MRC1: variants seen among roughly 807,000 people sequenced by gnomAD.
MRC1 encodes the protein mannose receptor C-type 1.
Under a neutral mutation model 102.9 loss-of-function variants are expected in MRC1, and 62 were observed. The observed-to-expected ratio is 0.60, with a 90% CI of 0.49 to 0.74. The LOEUF is 0.74. Among genes scored for constraint, MRC1 ranks in the 30% least tolerant of loss-of-function variants. MRC1 has a pLI of 0.00. For missense variants in MRC1, 1,237 were observed against 862.8 expected, an observed-to-expected ratio of 1.43 and a Z score of -5.43; for synonymous variants, 457 against 298.4, an observed-to-expected ratio of 1.53 and a Z score of -5.48.
At chr10:17,870,723 T>A (rs1833343229) in intron 13 of MRC1, 125 bp from the exon 14 acceptor site, 5 of 777,318 alleles carry the variant, frequency 6.4e-6, no homozygotes, top group Middle Eastern at 2.4e-4. Flanking sequence ...AGCTGTTAAA[T>A]CTCTTTACTT....
intron 15 of MRC1, among the ~76,000 whole-genome samples, chr10:17,873,505 T>C (rs1554841946): frequency 4.6e-5 from 7 of 152,084 alleles, no homozygotes; most frequent in Non-Finnish European, 1.0e-4. Context: ...CTTTTTTTTT[T>C]TCCTTTATAT....
intron 18 of MRC1, among the ~76,000 whole-genome samples, chr10:17,878,737 A>G (rs1289212845): frequency 3.3e-5 from 5 of 152,116 alleles, no homozygotes; most frequent in South Asian, 2.1e-4. Flanking sequence ...ATCACAGCTC[A>G]CTACAGCCTC....
At chr10:17,909,173 CATATCATA>C (rs1213831790) in intron 28 of MRC1, 125 bp from the exon 29 acceptor site, 1 of 674,068 alleles carries the variant, frequency 1.5e-6, no homozygotes, top group South Asian at 1.7e-5. Context: ...TTATATCTAT[CATATCATA>C]ATATCATATA....
rs1312783672 is a variant in MRC1 at position 17,847,927 on chromosome 10, T to TTC, written c.1064-1651_1064-1650insCT. Among the ~76,000 whole-genome samples the TTC allele has an allele frequency of 8.4e-4, 4 of 4,776 alleles. No homozygotes were observed. In the East Asian group the frequency reaches 0.38, roughly 448 times the overall value. 3.1% of individuals were successfully genotyped at this position (4,776 alleles called of 152,430 possible). A position where few individuals can be genotyped will look rare whatever the true frequency, so the allele number is the denominator to read the frequency against. ...GCTTGCTTTCTTTTTCTTTTTCTTC[T>TTC]TTTTTTTTTTGTAACCACTGGAAGT... On this transcript the variant is annotated intron_variant, in intron 6 of 29. Transcript: ENST00000569591.
chr10:17,885,046 A>G (rs1031122801), intron 21 of MRC1, among the ~76,000 whole-genome samples: 1 of 152,226 alleles, frequency 6.6e-6, no homozygotes, highest in Admixed American at 6.5e-5. Context: ...AGTGGCCTAG[A>G]TAAAACCTAG....
chr10:17,827,461 C>A, intron 2 of MRC1, 81 bp from the exon 3 acceptor site: 1 of 641,780 alleles, frequency 1.6e-6, no homozygotes, highest in African/African-American at 1.9e-5. Flanking sequence ...AAGACCAATT[C>A]CTTCAGTAGG....
chr10:17,877,684 A>G (rs1833455801), intron 17 of MRC1, among the ~76,000 whole-genome samples: 1 of 152,174 alleles, frequency 6.6e-6, no homozygotes, highest in African/African-American at 2.4e-5. Context: ...TATGCATCAA[A>G]TAAAAGACTC....
At chr10:17,811,102 T>C (rs1838214434) in intron 1 of MRC1, among the ~76,000 whole-genome samples, 1 of 152,222 alleles carries the variant, frequency 6.6e-6, no homozygotes, top group African/African-American at 2.4e-5. Context: ...CCTGATATTA[T>C]TAATGTATTT....
rs1483935903 is a variant in MRC1, at chr10:17,832,286, G to C, written c.638-1389G>C. ...GATCAAGGAATTTGGGCTGGTATCC[G>C]TTCTTTTAAAACATGTTTTATTCAC... On this transcript the variant is annotated intron_variant, in intron 3 of 29. Transcript: ENST00000569591. Among the ~76,000 whole-genome samples the C allele has an allele frequency of 4.0e-5, 6 of 151,466 alleles. 1 individual carries two copies. Among genetic ancestry groups the C allele is most frequent in the African/African-American group, 1.5e-4 (6 of 40,820 alleles).
chr10:17,829,552 G>C (rs1246478098), intron 3 of MRC1, among the ~76,000 whole-genome samples: 2 of 151,406 alleles, frequency 1.3e-5, no homozygotes, highest in African/African-American at 4.9e-5. Flanking sequence ...TTCCATTCAA[G>C]GTTTTTAGAT....
At chr10:17,820,767 T>G (rs552786939) in intron 1 of MRC1, among the ~76,000 whole-genome samples, 2,071 of 152,318 alleles carry the variant, frequency 0.014, 51 homozygotes, top group Middle Eastern at 0.078. Flanking sequence ...TACATATATC[T>G]ATGGCAAAAG....
intron 26 of MRC1, among the ~76,000 whole-genome samples, chr10:17,904,359 T>C (rs1243074055): frequency 6.6e-6 from 1 of 152,228 alleles, no homozygotes; most frequent in Non-Finnish European, 1.5e-5. Context: ...GACTTTTTCC[T>C]TCATTTTTTG....
chr10:17,814,100 A>G (rs1838269542), intron 1 of MRC1, among the ~76,000 whole-genome samples: 1 of 152,122 alleles, frequency 6.6e-6, no homozygotes, highest in African/African-American at 2.4e-5. Flanking sequence ...GCTTCCCATA[A>G]AGCAGATGGG....
chr10:17,857,802 A>G (rs1367870133), intron 9 of MRC1, among the ~76,000 whole-genome samples: 1 of 152,192 alleles, frequency 6.6e-6, no homozygotes, highest in Non-Finnish European at 1.5e-5. Context: ...AAGAATTCAG[A>G]AATCACAGGC....
chr10:17,882,812 C>G (rs1833538075), intron 21 of MRC1, among the ~76,000 whole-genome samples: 1 of 152,048 alleles, frequency 6.6e-6, no homozygotes, highest in Admixed American at 6.6e-5. Flanking sequence ...ACTGGCCTAC[C>G]CCATTTTGGG....
At chr10:17,870,822 C>G (rs1199112573) in intron 13 of MRC1, 26 bp from the exon 14 acceptor site, 9 of 871,774 alleles carry the variant, frequency 1.0e-5, no homozygotes, top group Non-Finnish European at 1.8e-5. Context: ...ATAGCATATG[C>G]TTTCTTTATG....
intron 17 of MRC1, among the ~76,000 whole-genome samples, chr10:17,876,668 C>A (rs34319271): frequency 1.6e-3 from 248 of 152,288 alleles, no homozygotes; most frequent in Non-Finnish European, 2.5e-3. Flanking sequence ...TGTTATATGT[C>A]AGTCCTGGAC....
At position 17,854,640 on chromosome 10, in the gene MRC1, C is replaced by T. The variant is rs907726741; in HGVS notation, c.1407+1516C>T. 1,644 of 166,344 alleles carry T rather than the reference C, an allele frequency of 9.9e-3. 22 individuals carry two copies. Among genetic ancestry groups the T allele is most frequent in the African/African-American group, 0.038 (1,563 of 41,550 alleles). 10.3% of individuals were successfully genotyped at this position (166,344 alleles called of 1,614,324 possible). A position where few individuals can be genotyped will look rare whatever the true frequency, so the allele number is the denominator to read the frequency against. ...GTGTCAGATTGCACTGGGCTGAGACCAACTAGGATATGAGGAGTTAAAGAC... is the reference window on the plus strand; with the variant it reads ...GTGTCAGATTGCACTGGGCTGAGACTAACTAGGATATGAGGAGTTAAAGAC... On this transcript the variant is annotated intron_variant, in intron 8 of 29. Coordinates refer to ENST00000569591, the MANE Select transcript of MRC1 (RefSeq NM_002438.4).
At chr10:17,845,882 A>G (rs1175281478) in intron 6 of MRC1, among the ~76,000 whole-genome samples, 3 of 152,180 alleles carry the variant, frequency 2.0e-5, no homozygotes, top group Non-Finnish European at 4.4e-5. Flanking sequence ...TTCATAAAAT[A>G]GAATAAAATA....
Sources: allele counts gnomAD v4.1 joint callset (sites outside exome capture counted in the v4.1 genomes callset), GRCh38; gene constraint gnomAD v4.1.1; transcripts MANE v1.5; gene names NCBI Gene and HGNC (gene_info 2026-07-23, HGNC 2026-07-21).